Variants in NOX3 observed in about 807,000 individuals in gnomAD.
The protein encoded by NOX3 is NADPH oxidase 3, also known as NADPH oxidase catalytic subunit-like 3.
Under a neutral mutation model 76.7 loss-of-function variants are expected in NOX3, and 74 were observed. That is an observed-to-expected ratio of 0.96 (90% CI 0.80 to 1.17). The LOEUF (loss-of-function observed/expected upper bound fraction) is 1.17. Among genes scored for constraint, NOX3 ranks in the 50% most tolerant of loss-of-function variants. The pLI is 0.00. For missense variants in NOX3, 695 were observed against 703.3 expected, an observed-to-expected ratio of 0.99 and a Z score of 0.13; for synonymous variants, 263 against 261.1, an observed-to-expected ratio of 1.01 and a Z score of -0.07.
chr6:155,436,555 T>C lies in NOX3; in HGVS notation c.669-8A>G. The C allele has an allele frequency of 2.5e-6, 4 of 1,609,180 alleles. No homozygotes were observed. Among genetic ancestry groups the C allele is most frequent in the Non-Finnish European group, 3.4e-6 (4 of 1,178,826 alleles). ...TGGCCTCGAACAATCCGACTTGTTA[T>C]TTAAGAAAAGCAAAACAAAACAAAA... On this transcript the variant is annotated splice_polypyrimidine_tract_variant and splice_region_variant and intron_variant, in intron 6 of 13. Transcript: ENST00000159060.
At chr6:155,410,018 C>G (rs1233444169) in intron 11 of NOX3, among the ~76,000 whole-genome samples, 1 of 152,146 alleles carries the variant, frequency 6.6e-6, no homozygotes, top group Admixed American at 6.5e-5. Flanking sequence ...GAGCAGAAGA[C>G]AGAAGCTGTC....
chr6:155,429,904 G>T (rs1322289955), intron 8 of NOX3, among the ~76,000 whole-genome samples: 1 of 152,206 alleles, frequency 6.6e-6, no homozygotes, highest in African/African-American at 2.4e-5. Flanking sequence ...TGACATTGCT[G>T]TTAAATGGTC....
chr6:155,425,335 T>C (rs1316104968), intron 9 of NOX3, among the ~76,000 whole-genome samples: 3 of 152,212 alleles, frequency 2.0e-5, no homozygotes, highest in Non-Finnish European at 4.4e-5. Context: ...CAAATTCTTG[T>C]TTATCACGTT....
chr6:155,433,598 T>A (rs1420859487), intron 7 of NOX3, among the ~76,000 whole-genome samples: 3 of 152,170 alleles, frequency 2.0e-5, no homozygotes, highest in Non-Finnish European at 4.4e-5. Context: ...ACACTTTGGC[T>A]TTATTCACAG....
intron 9 of NOX3, among the ~76,000 whole-genome samples, chr6:155,423,359 T>C (rs1776715825): frequency 6.6e-6 from 1 of 152,250 alleles, no homozygotes. Context: ...TAATGGAAGC[T>C]ATTCATTTGG....
In NOX3 at chr6:155,396,915, G is replaced by A. The variant is rs746246548; in HGVS notation, c.1628C>T (p.Thr543Ile). 6.2e-6 allele frequency: 10 copies of A among 1,613,330 alleles called. No homozygotes were observed. The South Asian group carries it at 9.9e-5, about 16-fold the overall frequency. The change falls in exon 13 of 14, where the codon ACA becomes ATA. Residue 543 changes from threonine to isoleucine, a missense_variant. By Grantham distance (89) the Thr-to-Ile change is moderately conservative. Coordinates refer to ENST00000159060, the MANE Select transcript of NOX3 (RefSeq NM_015718.3). The stretch of plus-strand genomic sequence containing the variant: ...ATACAAGTGGCACATCTTTTGAAGT[G>A]TCCTCGAGAGAGCTTTAGGTCCACA... The part of the protein sequence containing the change: ...FFCGPKALSR[T>I]LQKMCHLYSS...
chr6:155,421,124 C>T (rs769533090), intron 10 of NOX3, among the ~76,000 whole-genome samples: 13 of 152,164 alleles, frequency 8.5e-5, no homozygotes, highest in Non-Finnish European at 1.0e-4. Flanking sequence ...TAAAATATTG[C>T]TCCAGGGTTG....
chr6:155,449,953 T>C (rs1777113385), intron 4 of NOX3, among the ~76,000 whole-genome samples: 1 of 152,202 alleles, frequency 6.6e-6, no homozygotes, highest in African/African-American at 2.4e-5. Flanking sequence ...TTTTTTTTCC[T>C]CCCAAAAGCG....
chr6:155,442,091 C>T (rs1163118502), intron 5 of NOX3, among the ~76,000 whole-genome samples: 2 of 152,014 alleles, frequency 1.3e-5, no homozygotes, highest in Non-Finnish European at 2.9e-5. Flanking sequence ...AGTGAAACCC[C>T]GTCTCTACTA....
intron 8 of NOX3, 86 bp downstream of exon 8, chr6:155,430,757 T>TA: frequency 1.3e-6 from 1 of 786,544 alleles, no homozygotes. Context: ...AGTTCTGCAA[T>TA]AAAAATGGCA....
At chr6:155,405,245 T>C (rs774386215) in intron 12 of NOX3, among the ~76,000 whole-genome samples, 133 of 152,240 alleles carry the variant, frequency 8.7e-4, no homozygotes, top group Non-Finnish European at 8.5e-4. Context: ...TGGGCTTTAA[T>C]GTACTCTTAC....
chr6:155,401,280 G>A (rs1178492444), intron 12 of NOX3, among the ~76,000 whole-genome samples: 1 of 152,182 alleles, frequency 6.6e-6, no homozygotes. Flanking sequence ...CTCATGGGAA[G>A]GAACTATGGG....
intron 10 of NOX3, among the ~76,000 whole-genome samples, chr6:155,416,618 A>G (rs1237937268): frequency 1.3e-5 from 2 of 152,094 alleles, no homozygotes; most frequent in Non-Finnish European, 2.9e-5. Flanking sequence ...ATTATCCTCA[A>G]TGTTAACTAT....
intron 4 of NOX3, among the ~76,000 whole-genome samples, chr6:155,445,869 C>CATAT (rs60572257): frequency 6.6e-5 from 9 of 136,410 alleles, no homozygotes; most frequent in African/African-American, 2.4e-4. Context: ...CTGACATATA[C>CATAT]ATATATATAT....
At position 155,423,897 on chromosome 6, in the gene NOX3, C is replaced by T. The variant is rs111731000; in HGVS notation, c.1146-1041G>A. Among the ~76,000 whole-genome samples, 1,332 of 152,072 alleles carry T rather than the reference C, an allele frequency of 8.8e-3. 15 individuals carry two copies. The highest frequency in any genetic ancestry group is 0.029 in the African/African-American group (1,222 of 41,500). ...CTGGGACTGTAGGCACGTGCCACCA[C>T]GCCCAGCTAATTTTTTTGTATTTTT... is the stretch of plus-strand genomic sequence containing the variant. On this transcript the variant is annotated intron_variant, in intron 9 of 13. Coordinates refer to ENST00000159060, the MANE Select transcript of NOX3 (RefSeq NM_015718.3).
At chr6:155,448,343 C>T (rs1026145994) in intron 4 of NOX3, among the ~76,000 whole-genome samples, 12 of 152,138 alleles carry the variant, frequency 7.9e-5, no homozygotes, top group Non-Finnish European at 1.3e-4. Flanking sequence ...TTAATTGGGG[C>T]TCTTCAGTCT....
chr6:155,402,919 A>G (rs1246259761), intron 12 of NOX3, among the ~76,000 whole-genome samples: 1 of 152,214 alleles, frequency 6.6e-6, no homozygotes, highest in Non-Finnish European at 1.5e-5. Flanking sequence ...ATCTTTGCCA[A>G]AAGATATGAG....
chr6:155,448,563 G>A (rs1253761912), intron 4 of NOX3, among the ~76,000 whole-genome samples: 1 of 150,080 alleles, frequency 6.7e-6, no homozygotes, highest in Non-Finnish European at 1.5e-5. Context: ...CAGCAATTTT[G>A]GAAACACTAC....
chr6:155,427,508 G>C (rs1251992312), intron 9 of NOX3, among the ~76,000 whole-genome samples: 2 of 152,188 alleles, frequency 1.3e-5, no homozygotes, highest in East Asian at 3.8e-4. Context: ...GTCAGACACT[G>C]TTGTAGGCAC....
Sources: gnomAD v4.1 joint callset for allele counts (sites outside exome capture counted in the v4.1 genomes callset) on GRCh38, gnomAD v4.1.1 for gene constraint, MANE v1.5 for transcripts, NCBI Gene and HGNC (gene_info 2026-07-23, HGNC 2026-07-21) for gene names.